SLC25A21: variants seen among roughly 807,000 people sequenced by gnomAD.
SLC25A21 encodes the protein mitochondrial 2-oxodicarboxylate carrier.
A neutral mutation model predicts 43.8 loss-of-function variants in SLC25A21; 47 were observed. That is an observed-to-expected ratio of 1.07 (90% CI 0.85 to 1.37). The LOEUF is 1.37. Ranked by LOEUF, SLC25A21 falls within the 40% of genes most tolerant of loss-of-function variation. The pLI, the probability that SLC25A21 is intolerant of heterozygous loss-of-function variation, is 0.00. For missense variants in SLC25A21, 352 were observed against 350.2 expected, an observed-to-expected ratio of 1.00 and a Z score of -0.04; for synonymous variants, 131 against 121.3, an observed-to-expected ratio of 1.08 and a Z score of -0.52.
intron 1 of SLC25A21, among the ~76,000 whole-genome samples, chr14:37,134,315 C>T (rs1319294241): frequency 6.6e-6 from 1 of 152,142 alleles, no homozygotes; most frequent in Non-Finnish European, 1.5e-5. Flanking sequence ...TATGTAGAAA[C>T]TATGTGAAAA....
At chr14:36,989,001 T>C (rs1056836198) in intron 1 of SLC25A21, among the ~76,000 whole-genome samples, 2 of 152,238 alleles carry the variant, frequency 1.3e-5, no homozygotes, top group African/African-American at 4.8e-5. Flanking sequence ...AAGCAAAAAT[T>C]AATTTTTTGA....
At chr14:36,966,533 T>C (rs1391442959) in intron 1 of SLC25A21, among the ~76,000 whole-genome samples, 1 of 152,166 alleles carries the variant, frequency 6.6e-6, no homozygotes, top group Non-Finnish European at 1.5e-5. Context: ...CACGATCTTA[T>C]CATTTCCCAA....
chr14:36,829,109 G>A (rs1452496385), intron 2 of SLC25A21, among the ~76,000 whole-genome samples: 1 of 151,966 alleles, frequency 6.6e-6, no homozygotes, highest in Admixed American at 6.6e-5. Flanking sequence ...TGTTGGCCAG[G>A]CTGGTCTTGA....
chr14:36,846,696 T>G (rs1889555188), intron 2 of SLC25A21, among the ~76,000 whole-genome samples: 1 of 152,214 alleles, frequency 6.6e-6, no homozygotes, highest in South Asian at 2.1e-4. Context: ...CAAACCAGAC[T>G]TTTAATTTAC....
At chr14:36,826,419 A>G (rs1437889539) in intron 2 of SLC25A21, among the ~76,000 whole-genome samples, 1 of 152,062 alleles carries the variant, frequency 6.6e-6, no homozygotes, top group African/African-American at 2.4e-5. Flanking sequence ...TTTCCTATGC[A>G]GTGAGGTCTC....
chr14:36,740,942 T>A (rs1028098085), intron 3 of SLC25A21, among the ~76,000 whole-genome samples: 2 of 152,182 alleles, frequency 1.3e-5, no homozygotes, highest in African/African-American at 4.8e-5. Flanking sequence ...TTAGTCAGTT[T>A]GAACGACTAA....
At chr14:36,871,058 T>G (rs189087094) in intron 2 of SLC25A21, 21 of 152,380 alleles carry the variant, frequency 1.4e-4, no homozygotes, top group African/African-American at 5.1e-4. Flanking sequence ...AAGCACGTGT[T>G]CAAACAGAGC....
chr14:36,993,456 T>A (rs1471509277), intron 1 of SLC25A21, among the ~76,000 whole-genome samples: 1 of 152,196 alleles, frequency 6.6e-6, no homozygotes, highest in African/African-American at 2.4e-5. Flanking sequence ...TTTCTCTTGA[T>A]ACAAATCCCT....
intron 1 of SLC25A21, among the ~76,000 whole-genome samples, chr14:37,139,644 CAAG>C (rs1963538043): frequency 6.6e-6 from 1 of 152,104 alleles, no homozygotes; most frequent in Non-Finnish European, 1.5e-5. Flanking sequence ...TATGAATCTT[CAAG>C]AAGAACTAAA....
rs539727700 is a variant in SLC25A21 at position 36,879,175 on chromosome 14, T to C, written c.71-4171A>G. Among the ~76,000 whole-genome samples, 23 of 152,272 alleles carry C rather than the reference T, an allele frequency of 1.5e-4. No individual in the cohort carries two copies. In the East Asian group the frequency reaches 4.4e-3, roughly 29 times the overall value. ...GGACTATTTGTAACTTCCATTCATT[T>C]TGGGAATAAAAAGCAGAATCAAAAC... On this transcript the variant is annotated intron_variant, in intron 1 of 9. Transcript: ENST00000331299.
intron 2 of SLC25A21, chr14:36,870,719 T>C (rs545536391): frequency 6.6e-6 from 1 of 152,272 alleles, no homozygotes; most frequent in African/African-American, 2.4e-5. Flanking sequence ...TGTATAATAT[T>C]CAGAAATGTT....
intron 3 of SLC25A21, among the ~76,000 whole-genome samples, chr14:36,801,296 C>A (rs1486337854): frequency 1.3e-5 from 2 of 152,160 alleles, no homozygotes; most frequent in African/African-American, 4.8e-5. Context: ...GCAAATGCCT[C>A]AAGGGGAAAT....
intron 1 of SLC25A21, among the ~76,000 whole-genome samples, chr14:36,916,805 TGGA>T (rs770728821): frequency 3.6e-4 from 55 of 152,250 alleles, no homozygotes; most frequent in Non-Finnish European, 6.3e-4. Flanking sequence ...CAGCTCCACC[TGGA>T]CGTTATATGG....
chr14:37,119,195 G>A (rs1396524638), intron 1 of SLC25A21, among the ~76,000 whole-genome samples: 8 of 152,142 alleles, frequency 5.3e-5, no homozygotes, highest in Non-Finnish European at 1.0e-4. Flanking sequence ...CTCAGTTCCA[G>A]GAACTGCCTG....
At chr14:37,064,187 C>G (rs1025870244) in intron 1 of SLC25A21, among the ~76,000 whole-genome samples, 1 of 152,148 alleles carries the variant, frequency 6.6e-6, no homozygotes, top group African/African-American at 2.4e-5. Context: ...CACCCTTCTT[C>G]TCCTCCCTTG....
At chr14:37,162,438 T>C (rs1963961248) in intron 1 of SLC25A21, among the ~76,000 whole-genome samples, 1 of 55,052 alleles carries the variant, frequency 1.8e-5, no homozygotes, top group Non-Finnish European at 4.4e-5. Context: ...TCAAACAAAT[T>C]TACAAGAAAA....
chr14:36,973,253 G>C (rs1959793808), intron 1 of SLC25A21, among the ~76,000 whole-genome samples: 1 of 152,044 alleles, frequency 6.6e-6, no homozygotes, highest in Non-Finnish European at 1.5e-5. Flanking sequence ...GAAGCTGGAG[G>C]TGGCAACTGT....
intron 1 of SLC25A21, among the ~76,000 whole-genome samples, chr14:37,169,265 T>G (rs1299034489): frequency 6.6e-6 from 1 of 152,106 alleles, no homozygotes; most frequent in African/African-American, 2.4e-5. Context: ...TGCTTACTCC[T>G]TACTAGGCGA....
chr14:36,849,855 A>T (rs2138513087), intron 2 of SLC25A21, among the ~76,000 whole-genome samples: 1 of 152,246 alleles, frequency 6.6e-6, no homozygotes, highest in South Asian at 2.1e-4. Flanking sequence ...CTAAAAATGA[A>T]TTTCTTTACT....
Sources: allele counts gnomAD v4.1 joint callset (sites outside exome capture counted in the v4.1 genomes callset), GRCh38; gene constraint gnomAD v4.1.1; transcripts MANE v1.5; gene names NCBI Gene and HGNC (gene_info 2026-07-23, HGNC 2026-07-21).